TOX2: variants seen among roughly 807,000 people sequenced by gnomAD.
The protein encoded by TOX2 is granulosa cell HMG box 1.
In TOX2, 15 loss-of-function variants were observed where a neutral mutation model predicts 47.4. The ratio of observed to expected loss-of-function variants is 0.32; its 90% CI spans 0.21 to 0.49. TOX2 has a LOEUF of 0.49. Ranked by LOEUF, TOX2 falls within the 20% of genes least tolerant of loss-of-function variation. The pLI, the probability that TOX2 is intolerant of heterozygous loss-of-function variation, is 0.99. For synonymous variants in TOX2, 290 were observed against 296.6 expected (o/e 0.98, Z 0.23); for missense variants, 622 against 673.1 (o/e 0.92, Z 0.84).
At chr20:43,998,343 T>G (rs1333503706) in intron 2 of TOX2, among the ~76,000 whole-genome samples, 1 of 152,228 alleles carries the variant, frequency 6.6e-6, no homozygotes, top group Non-Finnish European at 1.5e-5. Flanking sequence ...GGTCTTAGAA[T>G]TTGATCTATC....
chr20:44,046,885 T>G (rs966075851), intron 3 of TOX2, among the ~76,000 whole-genome samples: 3 of 152,166 alleles, frequency 2.0e-5, no homozygotes, highest in Non-Finnish European at 2.9e-5. Flanking sequence ...ATAACAAACC[T>G]TCACATATAC....
At chr20:43,958,832 G>A (rs1417905827) in intron 1 of TOX2, among the ~76,000 whole-genome samples, 1 of 152,226 alleles carries the variant, frequency 6.6e-6, no homozygotes, top group East Asian at 1.9e-4. Context: ...CCTGGCCTTG[G>A]TTTCCCCAGT....
chr20:44,017,583 C>A (rs1161559872), intron 3 of TOX2, among the ~76,000 whole-genome samples: 1 of 152,190 alleles, frequency 6.6e-6, no homozygotes, highest in African/African-American at 2.4e-5. Flanking sequence ...AGAACCACAC[C>A]TTATTTGACC....
intron 3 of TOX2, among the ~76,000 whole-genome samples, chr20:44,020,979 C>T (rs376763324): frequency 9.9e-5 from 15 of 152,230 alleles, no homozygotes; most frequent in East Asian, 3.9e-4. Context: ...GGCCTTGAAG[C>T]GGACCCTCTG....
chr20:44,067,028 C>T (rs78592407), intron 8 of TOX2, among the ~76,000 whole-genome samples, 171 bp downstream of exon 8: 2,001 of 152,292 alleles, frequency 0.013, 19 homozygotes, highest in Middle Eastern at 0.027. Flanking sequence ...AGCCAGGCCC[C>T]GGAAGGACTC....
intron 3 of TOX2, among the ~76,000 whole-genome samples, chr20:44,040,064 C>T (rs562763037): frequency 2.0e-5 from 3 of 152,254 alleles, no homozygotes; most frequent in African/African-American, 4.8e-5. Context: ...GTAGGGGTCT[C>T]GTGAGCTGGT....
At chr20:44,004,014 G>A (rs1160180771) in intron 2 of TOX2, among the ~76,000 whole-genome samples, 2 of 152,236 alleles carry the variant, frequency 1.3e-5, no homozygotes, top group African/African-American at 4.8e-5. Flanking sequence ...CGGCTGGTAA[G>A]AGGTGGTGGT....
At chr20:44,003,670 C>T (rs1413157117) in intron 2 of TOX2, among the ~76,000 whole-genome samples, 3 of 152,100 alleles carry the variant, frequency 2.0e-5, no homozygotes, top group Non-Finnish European at 4.4e-5. Context: ...GTTTGATCTA[C>T]CCTGGAGTAT....
rs892276963 is a variant in TOX2 at position 44,051,054 on chromosome 20, C to T, written c.412-252C>T. Among the ~76,000 whole-genome samples, 10 of 152,350 alleles carry T rather than the reference C, an allele frequency of 6.6e-5. No homozygotes were observed. The East Asian group carries it at 7.7e-4, about 12-fold the overall frequency. ...CTCTGGCAGGGGCTGAAATGCAAAG[C>T]GTCTGTCCGAGGTGAATGTCAGTAG... On this transcript the variant is annotated intron_variant, in intron 3 of 8. Coordinates refer to ENST00000341197, the MANE Select transcript of TOX2 (RefSeq NM_001098797.2).
intron 1 of TOX2, among the ~76,000 whole-genome samples, chr20:43,951,705 A>ATTTTTTTTTTTTTTTTTTTTTTTTTTTTT (rs1212223106): frequency 3.3e-5 from 1 of 30,390 alleles, no homozygotes; most frequent in Admixed American, 3.8e-4. Flanking sequence ...TAAACTTATT[A>ATTTTTTTTTTTTTTTTTTTTTTTTTTTTT]TGTTTTTTTT....
At chr20:43,946,558 A>G (rs2069474765) in intron 1 of TOX2, among the ~76,000 whole-genome samples, 1 of 152,226 alleles carries the variant, frequency 6.6e-6, no homozygotes, top group Non-Finnish European at 1.5e-5. Flanking sequence ...TGGGGAATCA[A>G]TAAAAATTTC....
chr20:43,915,023 C>A lies in TOX2; in HGVS notation c.99+33C>A. 8.2e-7 allele frequency: 1 copy of A among 1,215,604 alleles called. No individual in the cohort carries two copies. Among genetic ancestry groups the A allele is most frequent in the South Asian group, 2.8e-5 (1 of 35,528 alleles). 75.3% of individuals were successfully genotyped at this position (1,215,604 alleles called of 1,614,324 possible). On this transcript the variant is annotated intron_variant, in intron 1 of 8. Transcript: ENST00000341197. This position sits in a 1 kb window ranked among gnomAD's most constrained non-coding sequence, Gnocchi z 7.1. ...GGGGCGGGCGGGGGTCCCCGGCGGGCGGGGCCGGAGTCACCTGGCAGCTCG... is the reference window on the plus strand; with the variant it reads ...GGGGCGGGCGGGGGTCCCCGGCGGGAGGGGCCGGAGTCACCTGGCAGCTCG...
intron 3 of TOX2, among the ~76,000 whole-genome samples, chr20:44,015,412 A>G (rs939339018): frequency 3.9e-5 from 6 of 152,188 alleles, no homozygotes; most frequent in East Asian, 1.9e-4. Flanking sequence ...CATCACTTCA[A>G]TAAATCATTA....
chr20:43,993,142 G>A (rs1442643134), intron 2 of TOX2, among the ~76,000 whole-genome samples: 1 of 152,176 alleles, frequency 6.6e-6, no homozygotes, highest in Non-Finnish European at 1.5e-5. Flanking sequence ...ACTGGAAGGA[G>A]ACTGGGCCGG....
At chr20:43,961,617 C>T (rs1454402314) in intron 1 of TOX2, among the ~76,000 whole-genome samples, 3 of 139,836 alleles carry the variant, frequency 2.1e-5, no homozygotes, top group African/African-American at 7.7e-5. Context: ...TGCACTGTGG[C>T]GGGTGGGTGG....
chr20:43,920,080 C>T (rs559894857), intron 1 of TOX2, among the ~76,000 whole-genome samples: 23 of 152,316 alleles, frequency 1.5e-4, no homozygotes, highest in Non-Finnish European at 2.8e-4. Flanking sequence ...TACTGCTGAT[C>T]CAAGGACCAC....
At chr20:43,986,675 A>G (rs2070273073) in intron 2 of TOX2, among the ~76,000 whole-genome samples, 1 of 152,208 alleles carries the variant, frequency 6.6e-6, no homozygotes, top group South Asian at 2.1e-4. Flanking sequence ...ACCCTCACTC[A>G]CTGCTGTGTA....
intron 7 of TOX2, 26 bp downstream of exon 7, chr20:44,066,133 C>G (rs1447793325): frequency 6.7e-7 from 1 of 1,501,950 alleles, no homozygotes; most frequent in Non-Finnish European, 8.8e-7. Flanking sequence ...CAGAACAGCC[C>G]TTCTGTGACC....
intron 3 of TOX2, among the ~76,000 whole-genome samples, chr20:44,051,095 C>T (rs773053416): frequency 1.2e-3 from 178 of 152,330 alleles, no homozygotes; most frequent in Non-Finnish European, 2.1e-3. Flanking sequence ...CACACAGCCA[C>T]GGAGCTGCCG....
Sources: gnomAD v4.1 joint callset for allele counts (sites outside exome capture counted in the v4.1 genomes callset) on GRCh38, gnomAD v4.1.1 for gene constraint, Gnocchi (gnomAD v3.1) non-coding constraint, MANE v1.5 for transcripts, NCBI Gene and HGNC (gene_info 2026-07-23, HGNC 2026-07-21) for gene names.